Variants in DOCK8 observed in about 807,000 individuals in gnomAD.
The protein encoded by DOCK8 is dedicator of cytokinesis 8.
A neutral mutation model predicts 245.6 loss-of-function variants in DOCK8; 141 were observed. That is an observed-to-expected ratio of 0.57 (90% CI 0.50 to 0.66). The LOEUF is 0.66. Among genes scored for constraint, DOCK8 ranks in the 30% least tolerant of loss-of-function variants. DOCK8 has a pLI of 0.00. For synonymous variants in DOCK8, 1,168 were observed against 970.2 expected (o/e 1.20, Z -3.79); for missense variants, 2,965 against 2,603.4 (o/e 1.14, Z -3.02).
intron 1 of DOCK8, among the ~76,000 whole-genome samples, chr9:254,303 A>T (rs2047718632): frequency 1.3e-5 from 2 of 152,188 alleles, no homozygotes. Flanking sequence ...TGGACTCTGC[A>T]GATAATATGA....
intron 5 of DOCK8, among the ~76,000 whole-genome samples, chr9:308,710 T>C (rs2049960974): frequency 6.6e-6 from 1 of 152,186 alleles, no homozygotes. Flanking sequence ...TAGGCTGGAG[T>C]GCAGTGGCAC....
chr9:439,410 C>T lies in DOCK8; in HGVS notation c.5223+22C>T, dbSNP rs375357626. ...CACGGTCAGTGCCCAGAGGGCATCC[C>T]GGGGCCTGGCCTCCCATACTCCAGC... On this transcript the variant is annotated intron_variant, in intron 40 of 47. Transcript: ENST00000432829. The T allele has an allele frequency of 6.2e-6, 10 of 1,610,324 alleles. No homozygotes were observed. The African/African-American group carries it at 6.7e-5, about 11-fold the overall frequency.
intron 1 of DOCK8, among the ~76,000 whole-genome samples, chr9:242,380 TC>T (rs767233449): frequency 5.3e-5 from 8 of 152,284 alleles, no homozygotes; most frequent in South Asian, 2.1e-4. Context: ...TAATTTGTCC[TC>T]ATTGATAGGA....
chr9:288,869 A>G (rs1431848030), intron 3 of DOCK8, among the ~76,000 whole-genome samples: 2 of 152,278 alleles, frequency 1.3e-5, no homozygotes. Flanking sequence ...TAAGGCTTGT[A>G]GCATTTAAGC....
chr9:446,351 C>G lies in DOCK8; in HGVS notation c.5581-19C>G. 6.2e-7 allele frequency: 1 copy of G among 1,603,478 alleles called. No individual in the cohort carries two copies. The highest frequency in any genetic ancestry group is 8.5e-7 in the Non-Finnish European group (1 of 1,170,340). The stretch of plus-strand genomic sequence containing the variant: ...TGCAGAATAGCTCATCTTCTCCCTC[C>G]GTGCCTTTTCCCCCTTAGGCCTACA... On this transcript the variant is annotated intron_variant, in intron 43 of 47. Coordinates refer to ENST00000432829, the MANE Select transcript of DOCK8 (RefSeq NM_203447.4).
chr9:422,281 AC>A, intron 33 of DOCK8, 146 bp downstream of exon 33: 1 of 773,628 alleles, frequency 1.3e-6, no homozygotes, highest in Non-Finnish European at 2.2e-6. Context: ...TCATCCAGGG[AC>A]CCAGGATAAT....
intron 31 of DOCK8, 92 bp downstream of exon 31, chr9:420,675 G>A (rs1415072247): frequency 2.7e-6 from 4 of 1,508,438 alleles, no homozygotes; most frequent in South Asian, 2.3e-5. Flanking sequence ...GGCCATGGAG[G>A]CATCATTAAT....
chr9:235,286 G>C (rs2047217876), intron 1 of DOCK8, among the ~76,000 whole-genome samples: 1 of 152,188 alleles, frequency 6.6e-6, no homozygotes, highest in South Asian at 2.1e-4. Flanking sequence ...ACCTGGCTGT[G>C]TGAGGTGTCA....
intron 6 of DOCK8, among the ~76,000 whole-genome samples, chr9:313,790 G>C (rs1259400270): frequency 6.6e-6 from 1 of 152,298 alleles, no homozygotes; most frequent in Admixed American, 6.5e-5. Flanking sequence ...AAGTTGGTGA[G>C]GTGATAGATA....
chr9:305,254 C>T lies in DOCK8; in HGVS notation c.528+550C>T, dbSNP rs1253703955. Among the ~76,000 whole-genome samples the T allele has an allele frequency of 4.6e-5, 7 of 152,116 alleles. No homozygotes were observed. In the East Asian group the frequency reaches 9.6e-4, roughly 21 times the overall value. On this transcript the variant is annotated intron_variant, in intron 5 of 47. Transcript: ENST00000432829. Reference sequence around the variant, plus strand: ...CACTTAGTGCCTAGTCAATGCTGGTCACTGTTATTGTTATTGTCATTATTC... The same window carrying T: ...CACTTAGTGCCTAGTCAATGCTGGTTACTGTTATTGTTATTGTCATTATTC...
intron 1 of DOCK8, among the ~76,000 whole-genome samples, chr9:255,750 T>C (rs1203962279): frequency 2.6e-5 from 4 of 151,680 alleles, no homozygotes; most frequent in African/African-American, 7.3e-5. Flanking sequence ...TAGTCTCTTA[T>C]CATTTCTTCA....
chr9:324,630 T>C (rs887736259), intron 7 of DOCK8, among the ~76,000 whole-genome samples: 2 of 152,134 alleles, frequency 1.3e-5, no homozygotes, highest in Non-Finnish European at 2.9e-5. Context: ...TCTGCTGTGC[T>C]CAAGCCCCTC....
In DOCK8 at chr9:400,946, A is replaced by T. The variant is rs1344338407; in HGVS notation, c.3234+1687A>T. Among the ~76,000 whole-genome samples, 11 of 121,960 alleles carry T rather than the reference A, an allele frequency of 9.0e-5. 1 individual carries two copies. Among genetic ancestry groups the T allele is most frequent in the South Asian group, 2.8e-4 (1 of 3,622 alleles). The allele number at this position is 121,960 out of a possible 152,430, so 80.0% of individuals were successfully genotyped here. A position where few individuals can be genotyped will look rare whatever the true frequency, so the allele number is the denominator to read the frequency against. Reference sequence around the variant, plus strand: ...CATCACCACAACATCCACCACCACCATCACCACCACCACCACCACCTCCTC... The same window carrying T: ...CATCACCACAACATCCACCACCACCTTCACCACCACCACCACCACCTCCTC... On this transcript the variant is annotated intron_variant, in intron 26 of 47. Transcript: ENST00000432829.
chr9:230,363 G>A (rs1328447243), intron 1 of DOCK8, among the ~76,000 whole-genome samples: 1 of 152,054 alleles, frequency 6.6e-6, no homozygotes, highest in Non-Finnish European at 1.5e-5. Context: ...ATAAACATAC[G>A]TGTGCATGTG....
At chr9:293,575 C>G (rs2049134481) in intron 4 of DOCK8, among the ~76,000 whole-genome samples, 1 of 152,220 alleles carries the variant, frequency 6.6e-6, no homozygotes, top group African/African-American at 2.4e-5. Flanking sequence ...TGACCAGGGA[C>G]TCGTGGGCAG....
At chr9:304,036 C>T (rs1043729500) in intron 4 of DOCK8, among the ~76,000 whole-genome samples, 3 of 152,146 alleles carry the variant, frequency 2.0e-5, no homozygotes, top group Non-Finnish European at 2.9e-5. Context: ...AAACTCTTCC[C>T]ACAGCTGTAT....
At chr9:288,902 C>T (rs1226755085) in intron 3 of DOCK8, among the ~76,000 whole-genome samples, 2 of 152,162 alleles carry the variant, frequency 1.3e-5, no homozygotes, top group Non-Finnish European at 2.9e-5. Flanking sequence ...GGTACTAATG[C>T]ATTTGCAACA....
Position 286,605 on chromosome 9 carries a change from A to C in DOCK8, c.301A>C (p.Arg101=), listed in dbSNP as rs751707823. Residue 101 remains arginine (R), a synonymous_variant, in exon 3 of 48, where the codon AGG becomes CGG. Coordinates refer to ENST00000432829, the MANE Select transcript of DOCK8 (RefSeq NM_203447.4). ...CGTGGTGTTCACGCCAAAGGAATGT[A>C]GGACTTTGCAGCCCTCTTTGCCGGA... The part of the protein sequence containing the change: ...LDVVFTPKEC[R]TLQPSLPEEG... The C allele has an allele frequency of 6.2e-7, 1 of 1,613,982 alleles. No individual in the cohort carries two copies. Among genetic ancestry groups the C allele is most frequent in the South Asian group, 1.1e-5 (1 of 91,084 alleles).
intron 1 of DOCK8, among the ~76,000 whole-genome samples, chr9:227,766 T>C (rs1482903080): frequency 1.3e-5 from 2 of 152,042 alleles, no homozygotes; most frequent in African/African-American, 2.4e-5. Flanking sequence ...GAAGAATGGA[T>C]AAATTTTCTG....
Sources: allele counts gnomAD v4.1 joint callset (sites outside exome capture counted in the v4.1 genomes callset), GRCh38; gene constraint gnomAD v4.1.1; transcripts MANE v1.5; gene names NCBI Gene and HGNC (gene_info 2026-07-23, HGNC 2026-07-21).